ATR: variants seen among roughly 807,000 people sequenced by gnomAD.
The protein encoded by ATR is ATR checkpoint kinase.
A neutral mutation model predicts 305.3 loss-of-function variants in ATR; 142 were observed. That is an observed-to-expected ratio of 0.47 (90% CI 0.41 to 0.53). ATR has a LOEUF of 0.53. Ranked by LOEUF, ATR falls within the 20% of genes least tolerant of loss-of-function variation. The pLI is 0.00. For synonymous variants in ATR, 1,050 were observed against 1,068.1 expected (o/e 0.98, Z 0.33); for missense variants, 2,135 against 3,133.1 (o/e 0.68, Z 7.60).
intron 6 of ATR, 148 bp from the exon 7 acceptor site, chr3:142,559,589 T>A: frequency 1.3e-6 from 1 of 778,874 alleles, no homozygotes; most frequent in Non-Finnish European, 2.1e-6. Context: ...AAGTAATATG[T>A]TATTACTATT....
chr3:142,453,109 A>G lies in ATR; in HGVS notation c.7761+19T>C. The G allele has an allele frequency of 6.2e-7, 1 of 1,613,974 alleles. No homozygotes were observed. The highest frequency in any genetic ancestry group is 8.5e-7 in the Non-Finnish European group (1 of 1,179,940). On this transcript the variant is annotated intron_variant, in intron 46 of 46. Transcript: ENST00000350721. The stretch of plus-strand genomic sequence containing the variant: ...GAGATGAGGACTACAGCCCATATCA[A>G]GCTATACCTTCTACTAACCTTTTCA...
At chr3:142,556,610 C>T (rs961955735) in intron 8 of ATR, 35 bp from the exon 9 acceptor site, 1 of 1,592,626 alleles carries the variant, frequency 6.3e-7, no homozygotes, top group Non-Finnish European at 8.6e-7. Context: ...AAGATTTCTA[C>T]TAATGTTAAT....
At chr3:142,497,605 T>C (rs533009937) in intron 32 of ATR, among the ~76,000 whole-genome samples, 2 of 144,946 alleles carry the variant, frequency 1.4e-5, no homozygotes, top group Admixed American at 6.9e-5. Context: ...ATAAATAAAA[T>C]TAATTACATT....
intron 34 of ATR, among the ~76,000 whole-genome samples, chr3:142,493,801 G>A (rs566358742): frequency 2.9e-4 from 44 of 151,842 alleles, no homozygotes; most frequent in Non-Finnish European, 5.4e-4. Flanking sequence ...CCAGGAATTC[G>A]CAGTTACAGT....
chr3:142,521,182 T>C (rs941231148), intron 23 of ATR, among the ~76,000 whole-genome samples: 5 of 152,198 alleles, frequency 3.3e-5, no homozygotes, highest in Admixed American at 3.3e-4. Flanking sequence ...GCTCTATAAA[T>C]GCAGCAACAA....
chr3:142,477,628 C>T (rs1175087832), intron 36 of ATR, among the ~76,000 whole-genome samples: 2 of 152,150 alleles, frequency 1.3e-5, no homozygotes, highest in Non-Finnish European at 1.5e-5. Flanking sequence ...GGGAGGACTC[C>T]CTCTTTCTCT....
Position 142,561,299 on chromosome 3 carries a change from C to T in ATR, c.1293G>A (p.Arg431=). The part of the protein sequence containing the change: ...SSNSDGISPK[R]RRLSSSLNPS... ...GGTTTAGAGACGAGCTGAGACGACG[C>T]CTTTTGGGTGATATTCCATCACTAT... is the stretch of plus-strand genomic sequence containing the variant. Residue 431 remains arginine (R), a synonymous_variant, in exon 5 of 47, where the codon AGG becomes AGA. Transcript: ENST00000350721. 6.2e-7 allele frequency: 1 copy of T among 1,614,052 alleles called. No individual in the cohort carries two copies. Among genetic ancestry groups the T allele is most frequent in the Non-Finnish European group, 8.5e-7 (1 of 1,179,974 alleles).
At chr3:142,463,045 T>C (rs919172251) in intron 41 of ATR, among the ~76,000 whole-genome samples, 2 of 152,186 alleles carry the variant, frequency 1.3e-5, no homozygotes, top group Non-Finnish European at 2.9e-5. Flanking sequence ...CATTTTACTT[T>C]AGGAAATAGG....
At position 142,568,145 on chromosome 3, in the gene ATR, T is replaced by A. The variant is rs2035134840; in HGVS notation, c.69A>T (p.Pro23=). ...PALRELGSAT[P]EEYNTVVQKP... is the part of the protein sequence containing the mutation. ...TCTGTACAACTGTATTATATTCCTC[T>A]GGTGTGGCACTAAAATACAAATTAA... Residue 23 remains proline (P), a synonymous_variant, in exon 2 of 47, where the codon CCA becomes CCT. Transcript: ENST00000350721. 1.2e-6 allele frequency: 2 copies of A among 1,611,316 alleles called. No individual in the cohort carries two copies. The highest frequency in any genetic ancestry group is 4.5e-5 in the East Asian group (2 of 44,744).
At chr3:142,483,825 T>C in intron 36 of ATR, among the ~76,000 whole-genome samples, 1 of 151,424 alleles carries the variant, frequency 6.6e-6, no homozygotes, top group African/African-American at 2.4e-5. Context: ...AGAGCAAGAC[T>C]CTGTCTTAAA....
intron 22 of ATR, among the ~76,000 whole-genome samples, chr3:142,523,718 A>G (rs2033254456): frequency 6.6e-6 from 1 of 152,218 alleles, no homozygotes; most frequent in Non-Finnish European, 1.5e-5. Flanking sequence ...TTTAAAAAGT[A>G]ATATTTAAAT....
At chr3:142,474,802 T>C (rs2071394147) in intron 36 of ATR, among the ~76,000 whole-genome samples, 1 of 152,164 alleles carries the variant, frequency 6.6e-6, no homozygotes, top group Admixed American at 6.5e-5. Context: ...TTTGTCTTAA[T>C]CTTAGAGGAA....
intron 36 of ATR, among the ~76,000 whole-genome samples, chr3:142,478,314 A>G (rs6765659): frequency 0.066 from 10,085 of 152,034 alleles, 1,053 homozygotes; most frequent in African/African-American, 0.22. Context: ...GGTTTCAAAG[A>G]ATATCTTTAT....
At chr3:142,520,231 C>G (rs1559960148) in intron 23 of ATR, among the ~76,000 whole-genome samples, 1 of 152,126 alleles carries the variant, frequency 6.6e-6, no homozygotes, top group Non-Finnish European at 1.5e-5. Context: ...TTCCATCCCC[C>G]TCACTCTCTT....
At chr3:142,553,082 T>A in intron 13 of ATR, 145 bp downstream of exon 13, 6 of 1,067,700 alleles carry the variant, frequency 5.6e-6, no homozygotes, top group African/African-American at 1.6e-5. Context: ...AACCTCTACA[T>A]GCTGCAATAT....
intron 6 of ATR, 99 bp from the exon 7 acceptor site, chr3:142,559,540 G>A (rs1020062793): frequency 1.6e-5 from 18 of 1,121,370 alleles, no homozygotes; most frequent in Admixed American, 1.5e-4. Flanking sequence ...TTGTGAGTAC[G>A]AAATTTATCT....
At chr3:142,478,422 G>A (rs1003295121) in intron 36 of ATR, among the ~76,000 whole-genome samples, 3 of 151,962 alleles carry the variant, frequency 2.0e-5, no homozygotes, top group African/African-American at 7.3e-5. Context: ...CTTAATCCTG[G>A]GTTCTAGTTT....
chr3:142,562,448 T>C lies in ATR; in HGVS notation c.954A>G (p.Leu318=). 6.2e-7 allele frequency: 1 copy of C among 1,614,118 alleles called. No homozygotes were observed. Among genetic ancestry groups the C allele is most frequent in the Non-Finnish European group, 8.5e-7 (1 of 1,179,992 alleles). ...EAYRNIEPVY[L]NMLLEKLCVM... is the part of the protein sequence containing the mutation. The stretch of plus-strand genomic sequence containing the variant: ...CACAGAGTTTTTCCAGCAGCATATT[T>C]AAATAGACAGGTTCAATATTTCTAT... Residue 318 remains leucine (L), a synonymous_variant, in exon 4 of 47, where the codon TTA becomes TTG. Transcript: ENST00000350721.
intron 28 of ATR, among the ~76,000 whole-genome samples, chr3:142,507,489 G>C (rs978720858): frequency 6.6e-6 from 1 of 152,032 alleles, no homozygotes; most frequent in Admixed American, 6.6e-5. Context: ...TCCCTAGTTC[G>C]CACCCTCCAA....
Sources: allele counts gnomAD v4.1 joint callset (sites outside exome capture counted in the v4.1 genomes callset), GRCh38; gene constraint gnomAD v4.1.1; transcripts MANE v1.5; gene names NCBI Gene and HGNC (gene_info 2026-07-23, HGNC 2026-07-21).